OSBPL9: variants seen among roughly 807,000 people sequenced by gnomAD.
OSBPL9 encodes the protein oxysterol binding protein like 9, also known as oxysterol-binding protein-related protein 9.
A neutral mutation model predicts 106.6 loss-of-function variants in OSBPL9; 40 were observed. That is an observed-to-expected ratio of 0.38 (90% CI 0.29 to 0.49). The LOEUF is 0.49. Ranked by LOEUF, OSBPL9 falls within the 20% of genes least tolerant of loss-of-function variation. OSBPL9 has a pLI of 0.97. For synonymous variants in OSBPL9, 269 were observed against 295.4 expected, an observed-to-expected ratio of 0.91 and a Z score of 0.92; for missense variants, 609 against 887.2, an observed-to-expected ratio of 0.69 and a Z score of 3.98.
At chr1:51,784,851 T>C in intron 20 of OSBPL9, 1 of 438,930 alleles carries the variant, frequency 2.3e-6, no homozygotes, top group Non-Finnish European at 4.1e-6. Flanking sequence ...CTAGGTTGCC[T>C]AGCTAAACCA....
At chr1:51,706,985 AG>A (rs201761453) in intron 3 of OSBPL9, among the ~76,000 whole-genome samples, 1,597 of 152,196 alleles carry the variant, frequency 0.01, 24 homozygotes, top group African/African-American at 0.037. Context: ...CTCCCTCTTC[AG>A]GGGGTCTGGC....
At chr1:51,669,782 G>A (rs760097714) in intron 3 of OSBPL9, 3 of 539,302 alleles carry the variant, frequency 5.6e-6, no homozygotes, top group Non-Finnish European at 1.1e-5. Context: ...AGAGTAATGG[G>A]CTGCTGCTGC....
rs775150785 is a variant in OSBPL9, at chr1:51,750,147, C to G, written c.495C>G (p.Ser165Arg). The G allele has an allele frequency of 8.1e-6, 13 of 1,600,004 alleles. No homozygotes were observed. In the East Asian group the frequency reaches 2.9e-4, roughly 36 times the overall value. ...KIETLKETTN[S>R]MVESIKHCIV... ...AAATCAGTGTTTTGTTTTTATAGAGCATGGTAGAATCAATTAAACACTGCA... is the reference window on the plus strand; with the variant it reads ...AAATCAGTGTTTTGTTTTTATAGAGGATGGTAGAATCAATTAAACACTGCA... Residue 165 changes from serine to arginine, a missense_variant and splice_region_variant, in exon 8 of 24, where the codon AGC (serine) becomes AGG (arginine). Around this residue, in one of 5 missense-constraint regions of OSBPL9, gnomAD observed 356 missense variants for 505.8 expected, o/e 0.70. Transcript: ENST00000428468.
At chr1:51,526,575 G>A in the OSBPL9 span, among the ~76,000 whole-genome samples, 1 of 152,072 alleles carries the variant, frequency 6.6e-6, no homozygotes, top group African/African-American at 2.4e-5. Flanking sequence ...GTTTGTTTAT[G>A]TCATTGGGGA....
At chr1:51,733,251 C>T (rs182081905) in intron 4 of OSBPL9, among the ~76,000 whole-genome samples, 4 of 152,298 alleles carry the variant, frequency 2.6e-5, no homozygotes, top group East Asian at 3.9e-4. Flanking sequence ...TTTGTATCCC[C>T]GGGGCCTTTG....
At chr1:51,637,996 C>A (rs1404986482) in intron 1 of OSBPL9, among the ~76,000 whole-genome samples, 43 of 152,102 alleles carry the variant, frequency 2.8e-4, no homozygotes, top group Admixed American at 2.8e-3. Context: ...TTCTAAAATA[C>A]TTAGTATAAT....
the OSBPL9 span, among the ~76,000 whole-genome samples, chr1:51,570,877 A>G: frequency 6.6e-6 from 1 of 151,926 alleles, no homozygotes; most frequent in Non-Finnish European, 1.5e-5. Flanking sequence ...GCTGGAGTGC[A>G]GTGGCATAAT....
the OSBPL9 span, among the ~76,000 whole-genome samples, chr1:51,562,427 T>C: frequency 1.3e-5 from 2 of 152,224 alleles, no homozygotes; most frequent in Admixed American, 6.5e-5. Flanking sequence ...TGTATAGCTA[T>C]AGCCTGCAGA....
At chr1:51,528,236 A>G in the OSBPL9 span, among the ~76,000 whole-genome samples, 1 of 151,852 alleles carries the variant, frequency 6.6e-6, no homozygotes, top group African/African-American at 2.4e-5. Context: ...AAGTAAAACT[A>G]TATTTGCAGA....
At chr1:51,659,307 A>G (rs1177841789) in intron 2 of OSBPL9, among the ~76,000 whole-genome samples, 1 of 152,132 alleles carries the variant, frequency 6.6e-6, no homozygotes, top group African/African-American at 2.4e-5. Context: ...TCACACACAT[A>G]CTTCTGAATA....
the OSBPL9 span, among the ~76,000 whole-genome samples, chr1:51,536,565 T>C: frequency 9.8e-5 from 15 of 152,310 alleles, no homozygotes; most frequent in East Asian, 2.9e-3. Context: ...GTGATCTTCC[T>C]GTCTCTGCTT....
In OSBPL9 at chr1:51,771,897, A is replaced by G. The variant is rs1008263878; in HGVS notation, c.939-173A>G. 3.9e-5 allele frequency among the ~76,000 whole-genome samples: 6 copies of G among 152,218 alleles called. No homozygotes were observed. The East Asian group carries it at 5.8e-4, about 15-fold the overall frequency. ...TGACTTCTAGGTCTTGACTATCAAC[A>G]TGGCTTTGTTGAGCACATCCTGTGC... On this transcript the variant is annotated intron_variant, in intron 12 of 23. Coordinates refer to ENST00000428468, the MANE Select transcript of OSBPL9 (RefSeq NM_024586.6).
intron 3 of OSBPL9, 91 bp downstream of exon 3, chr1:51,669,603 T>C (rs766396818): frequency 8.3e-7 from 1 of 1,210,004 alleles, no homozygotes; most frequent in Non-Finnish European, 1.2e-6. Flanking sequence ...TTGAATGGTT[T>C]TGCAACTGAT....
At chr1:51,561,515 G>GA in the OSBPL9 span, 3 of 152,170 alleles carry the variant, frequency 2.0e-5, no homozygotes, top group Non-Finnish European at 4.4e-5. Flanking sequence ...AACATGAACA[G>GA]AAAAAATGTA....
At chr1:51,684,847 TTA>T (rs1353220405) in intron 3 of OSBPL9, among the ~76,000 whole-genome samples, 1 of 152,008 alleles carries the variant, frequency 6.6e-6, no homozygotes, top group African/African-American at 2.4e-5. Context: ...AAAACAGTTT[TTA>T]AAAAAGAATG....
chr1:51,703,086 G>A (rs937506882), intron 3 of OSBPL9, among the ~76,000 whole-genome samples: 2 of 152,124 alleles, frequency 1.3e-5, no homozygotes, highest in African/African-American at 4.8e-5. Context: ...GATGCCTCTA[G>A]GTTTGTTCTT....
At position 51,781,316 on chromosome 1, in the gene OSBPL9, A is replaced by G. The variant is rs1247571070; in HGVS notation, c.1409A>G (p.Asn470Ser). 3 of 1,614,130 alleles carry G rather than the reference A, an allele frequency of 1.9e-6. No individual in the cohort carries two copies. Among genetic ancestry groups the G allele is most frequent in the Admixed American group, 1.7e-5 (1 of 60,034 alleles). Reference sequence around the variant, plus strand: ...TTTCAGTGTCATTGGACATTACCAAATGATACTGAAGAGAACACAGTGAGT... The same window carrying G: ...TTTCAGTGTCATTGGACATTACCAAGTGATACTGAAGAGAACACAGTGAGT... ...EIFQCHWTLP[N>S]DTEENTELVS... Residue 470 changes from asparagine to serine, a missense_variant, in exon 16 of 24, where the codon AAT (asparagine) becomes AGT (serine). Transcript: ENST00000428468.
intron 1 of OSBPL9, among the ~76,000 whole-genome samples, chr1:51,644,078 T>TAAAAA (rs968921768): frequency 2.3e-5 from 1 of 43,218 alleles, no homozygotes; most frequent in Non-Finnish European, 4.0e-5. Flanking sequence ...AGACCTTGTC[T>TAAAAA]AAAAAAAAAA....
intron 11 of OSBPL9, among the ~76,000 whole-genome samples, chr1:51,762,526 G>A (rs1671745391): frequency 6.6e-6 from 1 of 152,120 alleles, no homozygotes; most frequent in Non-Finnish European, 1.5e-5. Flanking sequence ...CATTTATTTG[G>A]TGATCTATGT....
Sources: gnomAD v4.1 joint callset for allele counts (sites outside exome capture counted in the v4.1 genomes callset) on GRCh38, gnomAD v4.1.1 for gene constraint, gnomAD v4.1.1 regional missense constraint, MANE v1.5 for transcripts, NCBI Gene and HGNC (gene_info 2026-07-23, HGNC 2026-07-21) for gene names.